The following RANBP10 variants were observed in gnomAD, a reference collection of about 807,000 sequenced individuals.
The protein encoded by RANBP10 is RAN binding protein 10.
A neutral mutation model predicts 72.8 loss-of-function variants in RANBP10; 24 were observed. The ratio of observed to expected loss-of-function variants is 0.33; its 90% CI spans 0.24 to 0.46. RANBP10 has a LOEUF of 0.46. Ranked by LOEUF, RANBP10 falls within the 20% of genes least tolerant of loss-of-function variation. The probability of loss-of-function intolerance (pLI) is 1.00; values close to 1 mark genes in which losing one functional copy is unlikely to be tolerated. For missense variants in RANBP10, 679 were observed against 817.5 expected (o/e 0.83, Z 2.07); for synonymous variants, 310 against 322.3 (o/e 0.96, Z 0.41).
chr16:67,741,816 CA>C (rs1404797487), intron 4 of RANBP10, among the ~76,000 whole-genome samples: 1 of 152,134 alleles, frequency 6.6e-6, no homozygotes, highest in African/African-American at 2.4e-5. Flanking sequence ...AGGCCAGAGG[CA>C]GAAGACATCA....
chr16:67,796,480 C>A (rs1163895482), intron 2 of RANBP10, among the ~76,000 whole-genome samples: 1 of 152,146 alleles, frequency 6.6e-6, no homozygotes, highest in African/African-American at 2.4e-5. Context: ...CTTCCAACCA[C>A]CTCCACCCTG....
chr16:67,723,587 G>A lies in RANBP10; in HGVS notation c.*2841C>T, dbSNP rs1478722991. 2 of 152,730 alleles carry A rather than the reference G, an allele frequency of 1.3e-5. No individual in the cohort carries two copies. Among genetic ancestry groups the A allele is most frequent in the South Asian group, 2.1e-4 (1 of 4,834 alleles). The allele number at this position is 152,730 out of a possible 1,614,324, so 9.5% of individuals were successfully genotyped here. ...CTGCACCCAGCCACAGACCCATGAG[G>A]ATGGGGATGGGGGTTCTGGCTTGCT... On this transcript the variant is annotated 3_prime_UTR_variant, in exon 14 of 14. Transcript: ENST00000317506.
chr16:67,769,222 G>A (rs2054560632), intron 3 of RANBP10, among the ~76,000 whole-genome samples: 1 of 149,634 alleles, frequency 6.7e-6, no homozygotes, highest in Admixed American at 6.7e-5. Flanking sequence ...TGGGTGGACT[G>A]CTTGAGCTCA....
intron 2 of RANBP10, among the ~76,000 whole-genome samples, chr16:67,798,308 A>C (rs1221063407): frequency 6.6e-6 from 1 of 152,124 alleles, no homozygotes; most frequent in Non-Finnish European, 1.5e-5. Flanking sequence ...ATGAGCACCA[A>C]AGTTCTCAAC....
chr16:67,767,974 G>A (rs537663372), intron 3 of RANBP10, among the ~76,000 whole-genome samples: 1 of 151,632 alleles, frequency 6.6e-6, no homozygotes, highest in Admixed American at 6.6e-5. Context: ...ACTAAGGTGA[G>A]AGGATCACTT....
At chr16:67,787,344 G>C (rs756007868) in intron 2 of RANBP10, among the ~76,000 whole-genome samples, 5 of 151,992 alleles carry the variant, frequency 3.3e-5, no homozygotes, top group Non-Finnish European at 5.9e-5. Context: ...AAGACAGCAA[G>C]GCTTTAAAAA....
At chr16:67,754,132 CAAAAAAA>C (rs67996811) in intron 3 of RANBP10, among the ~76,000 whole-genome samples, 1 of 68,806 alleles carries the variant, frequency 1.5e-5, no homozygotes, top group African/African-American at 4.8e-5. Flanking sequence ...GAGTCCTTCT[CAAAAAAA>C]AAAAAAAAAA....
In RANBP10 at chr16:67,729,736, C is replaced by A. The variant is rs1194647519; in HGVS notation, c.1091G>T (p.Gly364Val). ...RSPKSQDSYP[G>V]SPSLSPRHGP... ...ATGTCGGGGACTGAGGCTGGGGGAG[C>A]CAGGGTAGCTGTCCTGGGACTTGGG... The change falls in exon 9 of 14, where the codon GGC becomes GTC. Residue 364 changes from glycine (G) to valine (V), a missense_variant. By Grantham distance (109) the Gly-to-Val change is moderately radical. Coordinates refer to ENST00000317506, the MANE Select transcript of RANBP10 (RefSeq NM_020850.3). This position sits in a 1 kb window ranked among gnomAD's most constrained non-coding sequence, Gnocchi z 7.1. 1 of 1,613,928 alleles carries A rather than the reference C, an allele frequency of 6.2e-7. No homozygotes were observed. The highest frequency in any genetic ancestry group is 1.3e-5 in the African/African-American group (1 of 74,902).
At chr16:67,775,520 G>A (rs9940597) in intron 2 of RANBP10, among the ~76,000 whole-genome samples, 4,441 of 151,330 alleles carry the variant, frequency 0.029, 212 homozygotes, top group African/African-American at 0.1. Context: ...GTTCCCATAC[G>A]TAGAAAACCT....
Position 67,755,828 on chromosome 16 carries a change from C to A in RANBP10, c.401-11373G>T, listed in dbSNP as rs8056909. Reference sequence around the variant, plus strand: ...CAACACTCTGACAGAGAGGACCACCCAACTAACCATTCTTCTGTCTCCAAA... The same window carrying A: ...CAACACTCTGACAGAGAGGACCACCAAACTAACCATTCTTCTGTCTCCAAA... On this transcript the variant is annotated intron_variant, in intron 3 of 13. Coordinates refer to ENST00000317506, the MANE Select transcript of RANBP10 (RefSeq NM_020850.3). Among the ~76,000 whole-genome samples, 1,083 of 152,220 alleles carry A rather than the reference C, an allele frequency of 7.1e-3. 14 individuals carry two copies. The highest frequency in any genetic ancestry group is 0.025 in the African/African-American group (1,030 of 41,522).
chr16:67,731,598 A>G lies in RANBP10; in HGVS notation c.777-14T>C. The G allele has an allele frequency of 6.2e-7, 1 of 1,600,266 alleles. No homozygotes were observed. ...GATGAAACCATGCTAGAAGAAAGGA[A>G]GAGCTTCAGGTGACACTCAAGAACT... is the stretch of plus-strand genomic sequence containing the variant. On this transcript the variant is annotated splice_polypyrimidine_tract_variant and intron_variant, in intron 6 of 13. Transcript: ENST00000317506.
Position 67,726,463 on chromosome 16 carries a change from A to G in RANBP10, c.1828T>C (p.Cys610Arg). The change falls in exon 14 of 14, where the codon TGC (cysteine) becomes CGC (arginine). Residue 610 changes from cysteine to arginine, a missense_variant. Cys to Arg is a radical substitution (Grantham distance 180). Transcript: ENST00000317506. ...TAGTCATCAACTCTGGCAAAGGAGC[A>G]AGAACCCAGGCCTGCTCGGGCCATG... ...RLMARAGLGS[C>R]SFARVDDYLH The G allele has an allele frequency of 1.2e-6, 2 of 1,610,692 alleles. No individual in the cohort carries two copies. Among genetic ancestry groups the G allele is most frequent in the Non-Finnish European group, 1.7e-6 (2 of 1,178,510 alleles).
Position 67,795,589 on chromosome 16 carries a change from C to T in RANBP10, c.347+9839G>A, listed in dbSNP as rs570966715. 1.3e-4 allele frequency among the ~76,000 whole-genome samples: 19 copies of T among 150,128 alleles called. 1 individual carries two copies. In the South Asian group the frequency reaches 3.6e-3, roughly 28 times the overall value. On this transcript the variant is annotated intron_variant, in intron 2 of 13. Transcript: ENST00000317506. Reference sequence around the variant, plus strand: ...TTTTTTAAAAATAAAGGTTTTCGGCCGGGCGCGGTGGCTCACACCTGTAAT... The same window carrying T: ...TTTTTTAAAAATAAAGGTTTTCGGCTGGGCGCGGTGGCTCACACCTGTAAT...
At chr16:67,742,511 A>G (rs1482504359) in intron 4 of RANBP10, among the ~76,000 whole-genome samples, 7 of 152,328 alleles carry the variant, frequency 4.6e-5, no homozygotes, top group African/African-American at 1.4e-4. Context: ...GCATCCACTA[A>G]GGAGATGGAT....
rs564248291 is a variant in RANBP10 at position 67,738,120 on chromosome 16, C to A, written c.569-85G>T. 5.0e-6 allele frequency: 7 copies of A among 1,396,470 alleles called. No homozygotes were observed. In the African/African-American group the frequency reaches 8.9e-5, roughly 18 times the overall value. The allele number at this position is 1,396,470 out of a possible 1,614,324, so 86.5% of individuals were successfully genotyped here. ...CCCATGGTGGAGCCAGTGCTAGGGCCGGGTAGTTGTTTTTTTTGGTTTGTT... is the reference window on the plus strand; with the variant it reads ...CCCATGGTGGAGCCAGTGCTAGGGCAGGGTAGTTGTTTTTTTTGGTTTGTT... On this transcript the variant is annotated intron_variant, in intron 4 of 13. Transcript: ENST00000317506.
intron 2 of RANBP10, among the ~76,000 whole-genome samples, chr16:67,780,759 G>A (rs780094084): frequency 5.9e-5 from 9 of 152,192 alleles, no homozygotes; most frequent in Non-Finnish European, 1.2e-4. Flanking sequence ...TAATTTATTG[G>A]GTGGGGGAGG....
intron 4 of RANBP10, 126 bp from the exon 5 acceptor site, chr16:67,738,161 CAG>C (rs1389269604): frequency 9.1e-7 from 1 of 1,098,232 alleles, no homozygotes; most frequent in Non-Finnish European, 1.3e-6. Flanking sequence ...TGTTTTGAGA[CAG>C]AGTCTCCCTC....
intron 3 of RANBP10, among the ~76,000 whole-genome samples, chr16:67,769,244 C>T (rs540445628): frequency 8.0e-5 from 12 of 149,816 alleles, no homozygotes; most frequent in Admixed American, 2.7e-4. Context: ...GAGTTCTAGA[C>T]GAGTCTGGGC....
chr16:67,801,281 A>G (rs996748195), intron 2 of RANBP10, among the ~76,000 whole-genome samples: 1 of 152,168 alleles, frequency 6.6e-6, no homozygotes, highest in African/African-American at 2.4e-5. Context: ...ACACAGCACC[A>G]TGCACCTTTC....
Sources: allele counts gnomAD v4.1 joint callset (sites outside exome capture counted in the v4.1 genomes callset), GRCh38; gene constraint gnomAD v4.1.1; non-coding constraint Gnocchi (gnomAD v3.1); transcripts MANE v1.5; gene names NCBI Gene and HGNC (gene_info 2026-07-23, HGNC 2026-07-21).